Variants in TMEM106C observed in about 807,000 individuals in gnomAD.
TMEM106C encodes endoplasmic reticulum membrane protein overexpressed in cancer.
In TMEM106C, 27 loss-of-function variants were observed where a neutral mutation model predicts 30.8. The observed-to-expected ratio is 0.88, with a 90% CI of 0.65 to 1.21. The LOEUF is 1.21. Ranked by LOEUF, TMEM106C falls within the 50% of genes most tolerant of loss-of-function variation. The pLI, the probability that TMEM106C is intolerant of heterozygous loss-of-function variation, is 0.00. For synonymous variants in TMEM106C, 123 were observed against 118.8 expected, an observed-to-expected ratio of 1.04 and a Z score of -0.23; for missense variants, 288 against 307.8, an observed-to-expected ratio of 0.94 and a Z score of 0.48.
chr12:47,964,148 C>T, intron 1 of TMEM106C, 61 bp from the exon 2 acceptor site: 1 of 1,433,790 alleles, frequency 7.0e-7, no homozygotes, highest in Non-Finnish European at 9.5e-7. Flanking sequence ...CTTATAGAAA[C>T]AAGCGATTTC....
In TMEM106C at chr12:47,964,526, A is replaced by C. The variant is rs537902425; in HGVS notation, c.187+103A>C. 10 of 1,091,636 alleles carry C rather than the reference A, an allele frequency of 9.2e-6. No homozygotes were observed. In the East Asian group the frequency reaches 2.5e-4, roughly 28 times the overall value. The allele number at this position is 1,091,636 out of a possible 1,614,324, so 67.6% of individuals were successfully genotyped here. On this transcript the variant is annotated intron_variant, in intron 2 of 7. Transcript: ENST00000429772. ...CTTCTAGGCAGTAATACCATAATAG[A>C]GACAGTGCCCTGGACAGGAGCCAGC...
chr12:47,964,315 G>A lies in TMEM106C; in HGVS notation c.79G>A (p.Ala27Thr), dbSNP rs1366210779. 1 of 1,614,012 alleles carries A rather than the reference G, an allele frequency of 6.2e-7. No homozygotes were observed. The highest frequency in any genetic ancestry group is 1.3e-5 in the African/African-American group (1 of 74,908). ...KQEDDRDGLL[A>T]EREQEEAIAQ... ...AGAAGATGACAGGGACGGTTTGCTG[G>A]CTGAACGAGAGCAGGAAGAAGCCAT... Residue 27 changes from alanine to threonine, a missense_variant, in exon 2 of 8, where the codon GCT (alanine) becomes ACT (threonine). Ala to Thr is a moderately conservative substitution (Grantham distance 58). Coordinates refer to ENST00000429772, the MANE Select transcript of TMEM106C (RefSeq NM_001143842.2).
In TMEM106C at chr12:47,966,693, C is replaced by T; in HGVS notation, c.563C>T (p.Thr188Ile). 7 of 1,614,128 alleles carry T rather than the reference C, an allele frequency of 4.3e-6. No homozygotes were observed. The highest frequency in any genetic ancestry group is 5.1e-6 in the Non-Finnish European group (6 of 1,180,018). The change falls in exon 6 of 8, where the codon ACC (threonine) becomes ATC (isoleucine). Residue 188 changes from threonine (T) to isoleucine (I), a missense_variant. By Grantham distance (89) the Thr-to-Ile change is moderately conservative. Transcript: ENST00000429772. ...PPRSEQLVNF[T>I]GKAEMGGPFS... ...GTATCTTATTTTCAGGTGAATTTTA[C>T]CGGGAAGGCCGAGATGGGAGGACCG...
intron 7 of TMEM106C, among the ~76,000 whole-genome samples, chr12:47,967,518 C>T (rs963526625): frequency 6.6e-6 from 1 of 152,178 alleles, no homozygotes; most frequent in Non-Finnish European, 1.5e-5. Context: ...CACTTGATCC[C>T]CTCAGAATCC....
chr12:47,965,161 C>T, intron 2 of TMEM106C, 121 bp from the exon 3 acceptor site: 3 of 739,446 alleles, frequency 4.1e-6, no homozygotes, highest in Non-Finnish European at 6.8e-6. Flanking sequence ...GTGAATTTCA[C>T]TAGTATTTTT....
At chr12:47,967,178 C>T (rs546949641) in intron 6 of TMEM106C, 30 bp from the exon 7 acceptor site, 4 of 1,572,924 alleles carry the variant, frequency 2.5e-6, no homozygotes, top group Non-Finnish European at 3.5e-6. Flanking sequence ...AAAAAAAAAA[C>T]TGACTATTTC....
chr12:47,964,162 C>T (rs952768903), intron 1 of TMEM106C, 47 bp from the exon 2 acceptor site: 1 of 1,495,608 alleles, frequency 6.7e-7, no homozygotes, highest in Non-Finnish European at 9.1e-7. Flanking sequence ...CGATTTCTGT[C>T]GTGATTCACT....
chr12:47,966,126 T>C lies in TMEM106C; in HGVS notation c.449T>C (p.Val150Ala). ...LKIRNSNFYT[V>A]AVTSLSSQIQ... ...ATCAGGAACTCCAACTTCTACACGG[T>C]GGCAGTGACCAGCCTGTCCAGCCAG... Residue 150 changes from valine (V) to alanine (A), a missense_variant, in exon 5 of 8, where the codon GTG (valine) becomes GCG (alanine). Coordinates refer to ENST00000429772, the MANE Select transcript of TMEM106C (RefSeq NM_001143842.2). The C allele has an allele frequency of 6.2e-7, 1 of 1,614,226 alleles. No individual in the cohort carries two copies. The highest frequency in any genetic ancestry group is 8.5e-7 in the Non-Finnish European group (1 of 1,180,052).
chr12:47,965,815 G>C, intron 3 of TMEM106C, 23 bp from the exon 4 acceptor site: 1 of 1,613,708 alleles, frequency 6.2e-7, no homozygotes, highest in Non-Finnish European at 8.5e-7. Flanking sequence ...GCCTGGGTCG[G>C]TCATGTGCTG....
Position 47,966,650 on chromosome 12 carries a change from G to C in TMEM106C, c.553-33G>C, listed in dbSNP as rs765463494. On this transcript the variant is annotated intron_variant, in intron 5 of 7. Transcript: ENST00000429772. ...ATACTGTTCTGTGTCAAGCCTGCTTGGCCACAGACCAACTCTGGTATCTTA... is the reference window on the plus strand; with the variant it reads ...ATACTGTTCTGTGTCAAGCCTGCTTCGCCACAGACCAACTCTGGTATCTTA... The C allele has an allele frequency of 5.6e-6, 9 of 1,612,834 alleles. No individual in the cohort carries two copies. In the East Asian group the frequency reaches 2.0e-4, roughly 36 times the overall value.
At chr12:47,968,079 G>T in intron 7 of TMEM106C, 54 bp from the exon 8 acceptor site, 1 of 1,487,250 alleles carries the variant, frequency 6.7e-7, no homozygotes, top group South Asian at 1.1e-5. Context: ...ACATTTTTCT[G>T]GCTTATTTCA....
chr12:47,967,384 A>G, intron 7 of TMEM106C, 123 bp downstream of exon 7: 4 of 902,908 alleles, frequency 4.4e-6, no homozygotes, highest in Non-Finnish European at 7.4e-6. Context: ...CCTGTGCCTC[A>G]CAGGCACAGA....
intron 6 of TMEM106C, 55 bp from the exon 7 acceptor site, chr12:47,967,153 T>G (rs1938256605): frequency 6.4e-7 from 1 of 1,573,814 alleles, no homozygotes; most frequent in African/African-American, 1.4e-5. Context: ...TGCACTCTTC[T>G]ACTGAGGCTT....
chr12:47,966,435 T>C, intron 5 of TMEM106C: 1 of 710,814 alleles, frequency 1.4e-6, no homozygotes, highest in Non-Finnish European at 2.3e-6. Context: ...AGCAGAATAA[T>C]TTGTAAGAGA....
Position 47,964,286 on chromosome 12 carries a change from A to G in TMEM106C, c.50A>G (p.Lys17Arg). 1 of 1,614,082 alleles carries G rather than the reference A, an allele frequency of 6.2e-7. No homozygotes were observed. The highest frequency in any genetic ancestry group is 8.5e-7 in the Non-Finnish European group (1 of 1,179,984). ...AAARPSSCRR[K>R]QEDDRDGLLA... ...GCTCGCCCCTCCTCCTGCAGGCGAAAGCAAGAAGATGACAGGGACGGTTTG... is the reference window on the plus strand; with the variant it reads ...GCTCGCCCCTCCTCCTGCAGGCGAAGGCAAGAAGATGACAGGGACGGTTTG... Residue 17 changes from lysine (K) to arginine (R), a missense_variant, in exon 2 of 8, where the codon AAG becomes AGG. Physicochemically the swap from Lys to Arg is conservative, Grantham distance 26. Coordinates refer to ENST00000429772, the MANE Select transcript of TMEM106C (RefSeq NM_001143842.2).
intron 1 of TMEM106C, chr12:47,964,006 C>T (rs1938135448): frequency 1.8e-6 from 1 of 562,002 alleles, no homozygotes. Flanking sequence ...CCTCCCCACC[C>T]CCGCCGGCTG....
At position 47,964,023 on chromosome 12, in the gene TMEM106C, G is replaced by T. The variant is rs1303522689; in HGVS notation, c.-28-186G>T. ...TCCCCACCCCCGCCGGCTGTGTGTG[G>T]CGGGTAAGAGGAGAGTGGGTAGCAC... On this transcript the variant is annotated intron_variant, in intron 1 of 7. Transcript: ENST00000429772. 7.2e-5 allele frequency: 42 copies of T among 580,344 alleles called. No homozygotes were observed. In the East Asian group the frequency reaches 1.2e-3, roughly 17 times the overall value. The allele number at this position is 580,344 out of a possible 1,614,324, so 35.9% of individuals were successfully genotyped here.
At position 47,965,268 on chromosome 12, in the gene TMEM106C, T is replaced by C. The variant is rs199828918; in HGVS notation, c.188-14T>C. ...ACATGGGATTTACAAAATAATTGTT[T>C]GGCTCTTTTCTAGAGCAAGTAAATG... On this transcript the variant is annotated splice_polypyrimidine_tract_variant and intron_variant, in intron 2 of 7. Transcript: ENST00000429772. The C allele has an allele frequency of 2.5e-4, 398 of 1,612,626 alleles. 8 individuals are homozygous for C. In the South Asian group the frequency reaches 4.0e-3, roughly 16 times the overall value.
rs2136480722 is a variant in TMEM106C, at chr12:47,965,362, T to C, written c.251+17T>C. The C allele has an allele frequency of 6.2e-7, 1 of 1,611,748 alleles. No homozygotes were observed. ...TCAGCGAACGTGAGTTACCTGCTTC[T>C]CACCTGTTAATACCTACTTCTGTCC... On this transcript the variant is annotated intron_variant, in intron 3 of 7. Transcript: ENST00000429772.
Sources: allele counts gnomAD v4.1 joint callset (sites outside exome capture counted in the v4.1 genomes callset), GRCh38; gene constraint gnomAD v4.1.1; transcripts MANE v1.5; gene names NCBI Gene and HGNC (gene_info 2026-07-23, HGNC 2026-07-21).